SGCD: variants seen among roughly 807,000 people sequenced by gnomAD.
SGCD encodes the protein sarcoglycan delta.
A neutral mutation model predicts 36.6 loss-of-function variants in SGCD; 18 were observed. That is an observed-to-expected ratio of 0.49 (90% CI 0.34 to 0.73). The LOEUF (loss-of-function observed/expected upper bound fraction) is 0.73, where lower values mean the gene tolerates loss of function less well. Ranked by LOEUF, SGCD falls within the 30% of genes least tolerant of loss-of-function variation. The pLI is 0.01. For synonymous variants in SGCD, 133 were observed against 130.6 expected (o/e 1.02, Z -0.12); for missense variants, 387 against 346.7 (o/e 1.12, Z -0.92).
At chr5:156,339,693 T>A (rs2127712438) in intron 2 of SGCD, among the ~76,000 whole-genome samples, 1 of 152,134 alleles carries the variant, frequency 6.6e-6, no homozygotes, top group East Asian at 1.9e-4. Context: ...TATCTAAAAG[T>A]ACATACCATA....
intron 3 of SGCD, among the ~76,000 whole-genome samples, chr5:156,197,667 C>T (rs934184400): frequency 6.6e-6 from 1 of 151,912 alleles, no homozygotes; most frequent in African/African-American, 2.4e-5. Flanking sequence ...TATATTTGTT[C>T]TCTTGCTTAC....
intron 4 of SGCD, among the ~76,000 whole-genome samples, chr5:156,568,240 C>A (rs192591291): frequency 3.3e-5 from 5 of 152,010 alleles, no homozygotes; most frequent in African/African-American, 1.2e-4. Flanking sequence ...AGAAATTAGC[C>A]GGGCATGGTG....
intron 3 of SGCD, among the ~76,000 whole-genome samples, chr5:156,136,700 G>C (rs1342630698): frequency 2.0e-5 from 3 of 152,086 alleles, no homozygotes; most frequent in African/African-American, 7.2e-5. Context: ...TAGACATAGG[G>C]AACAACCAGA....
intron 3 of SGCD, among the ~76,000 whole-genome samples, chr5:156,225,862 A>T (rs917297252): frequency 1.7e-4 from 26 of 152,032 alleles, no homozygotes; most frequent in African/African-American, 6.3e-4. Flanking sequence ...TTTTTATTCA[A>T]GAGTTTTCTT....
intron 6 of SGCD, among the ~76,000 whole-genome samples, chr5:156,633,761 G>A (rs114610638): frequency 0.01 from 1,586 of 152,280 alleles, 22 homozygotes; most frequent in African/African-American, 0.036. Context: ...TCACTGGGTC[G>A]TTCAAGAATT....
At chr5:156,631,015 C>T (rs1203455860) in intron 6 of SGCD, among the ~76,000 whole-genome samples, 2 of 152,082 alleles carry the variant, frequency 1.3e-5, no homozygotes, top group African/African-American at 4.8e-5. Context: ...TATACCTGCC[C>T]CAGCCAAGGA....
At chr5:156,275,987 G>A (rs77090078) in intron 3 of SGCD, among the ~76,000 whole-genome samples, 1,915 of 152,130 alleles carry the variant, frequency 0.013, 14 homozygotes, top group Non-Finnish European at 0.021. Flanking sequence ...TGTCAGTTTC[G>A]GGTATTATGT....
chr5:156,472,576 C>T (rs1479876519), intron 3 of SGCD, among the ~76,000 whole-genome samples: 1 of 152,092 alleles, frequency 6.6e-6, no homozygotes, highest in African/African-American at 2.4e-5. Context: ...AGCCACCACA[C>T]CCGGCTAATT....
At chr5:155,862,040 C>G in the SGCD span, among the ~76,000 whole-genome samples, 17 of 152,124 alleles carry the variant, frequency 1.1e-4, no homozygotes, top group African/African-American at 4.1e-4. Flanking sequence ...CTGTTCTTCT[C>G]AGTGAACCTT....
At chr5:156,632,300 GA>G (rs1006645699) in intron 6 of SGCD, among the ~76,000 whole-genome samples, 20 of 152,038 alleles carry the variant, frequency 1.3e-4, no homozygotes, top group Non-Finnish European at 5.9e-5. Context: ...GGGGGTGGGG[GA>G]GGGCCAAGTG....
chr5:156,348,082 T>A (rs1769039743), intron 3 of SGCD, among the ~76,000 whole-genome samples: 1 of 152,212 alleles, frequency 6.6e-6, no homozygotes, highest in South Asian at 2.1e-4. Context: ...AAGGATATTC[T>A]TTTAGAATTA....
chr5:156,571,103 G>A (rs1043813796), intron 4 of SGCD, among the ~76,000 whole-genome samples: 2 of 152,128 alleles, frequency 1.3e-5, no homozygotes, highest in African/African-American at 4.8e-5. Context: ...CTGGAGTGCA[G>A]TGGCTCAATC....
intron 1 of SGCD, among the ~76,000 whole-genome samples, chr5:156,115,553 A>G (rs537890221): frequency 4.5e-4 from 69 of 152,234 alleles, no homozygotes; most frequent in African/African-American, 1.6e-3. Context: ...TAAGAATGAT[A>G]TTATATCAAA....
intron 3 of SGCD, among the ~76,000 whole-genome samples, chr5:156,264,925 G>A (rs1334183063): frequency 6.6e-6 from 1 of 152,126 alleles, no homozygotes; most frequent in Non-Finnish European, 1.5e-5. Context: ...AAACTCTGCA[G>A]CTGGAATGAG....
intron 3 of SGCD, among the ~76,000 whole-genome samples, chr5:156,249,946 A>C (rs1305010324): frequency 6.6e-6 from 1 of 152,252 alleles, no homozygotes. Context: ...ATCAGTAAGA[A>C]ACATTCCTGG....
intron 3 of SGCD, among the ~76,000 whole-genome samples, chr5:156,376,455 T>A (rs540946051): frequency 5.7e-4 from 87 of 152,346 alleles, no homozygotes; most frequent in African/African-American, 2.0e-3. Context: ...AAATTTTTGA[T>A]GAACTAATCT....
At chr5:156,084,286 T>G (rs1393148041) in intron 1 of SGCD, among the ~76,000 whole-genome samples, 1 of 152,190 alleles carries the variant, frequency 6.6e-6, no homozygotes, top group Non-Finnish European at 1.5e-5. Flanking sequence ...CACTTTATAA[T>G]TTTTAGTATA....
At chr5:156,439,523 C>G (rs937886890) in intron 3 of SGCD, among the ~76,000 whole-genome samples, 1 of 151,908 alleles carries the variant, frequency 6.6e-6, no homozygotes, top group African/African-American at 2.4e-5. Context: ...GCATAATTGC[C>G]CCCTACTCCC....
At chr5:155,937,102 G>C (rs1180386213) in intron 1 of SGCD, among the ~76,000 whole-genome samples, 1 of 152,196 alleles carries the variant, frequency 6.6e-6, no homozygotes, top group Non-Finnish European at 1.5e-5. Context: ...GAGATACCCA[G>C]GTCTGCAGCC....
Sources: gnomAD v4.1 joint callset for allele counts (sites outside exome capture counted in the v4.1 genomes callset) on GRCh38, gnomAD v4.1.1 for gene constraint, MANE v1.5 for transcripts, NCBI Gene and HGNC (gene_info 2026-07-23, HGNC 2026-07-21) for gene names.